STK39: variants seen among roughly 807,000 people sequenced by gnomAD.
The protein encoded by STK39 is STE20/SPS1-related proline-alanine-rich protein kinase.
A neutral mutation model predicts 77.8 loss-of-function variants in STK39; 20 were observed. That is an observed-to-expected ratio of 0.26 (90% CI 0.18 to 0.37). STK39 has a LOEUF of 0.37. Among genes scored for constraint, STK39 ranks in the 10% least tolerant of loss-of-function variants. The pLI is 1.00. For synonymous variants in STK39, 246 were observed against 234.1 expected (o/e 1.05, Z -0.47); for missense variants, 479 against 656.5 (o/e 0.73, Z 2.95).
At chr2:168,161,929 T>C (rs1412297997) in intron 4 of STK39, 87 bp from the exon 5 acceptor site, 14 of 895,544 alleles carry the variant, frequency 1.6e-5, no homozygotes, top group Non-Finnish European at 1.9e-5. Context: ...AAACATATCA[T>C]ACAACGCAGC....
intron 16 of STK39, among the ~76,000 whole-genome samples, chr2:167,992,212 T>G (rs1402273741): frequency 6.6e-6 from 1 of 152,160 alleles, no homozygotes; most frequent in African/African-American, 2.4e-5. Context: ...TTTCAGATCT[T>G]TGGATTTTTC....
At chr2:168,235,687 G>C (rs1262012671) in intron 1 of STK39, among the ~76,000 whole-genome samples, 1 of 140,624 alleles carries the variant, frequency 7.1e-6, no homozygotes, top group Non-Finnish European at 1.5e-5. Flanking sequence ...TCCCACCTAT[G>C]AGTGAGAACA....
intron 1 of STK39, among the ~76,000 whole-genome samples, chr2:168,191,165 T>TGTGTCCA (rs1342746924): frequency 2.0e-5 from 3 of 152,196 alleles, no homozygotes; most frequent in Non-Finnish European, 2.9e-5. Context: ...ATAGGCACGT[T>TGTGTCCA]GGCTTTGCAT....
At chr2:168,141,222 T>G (rs1010438023) in intron 5 of STK39, among the ~76,000 whole-genome samples, 6 of 152,210 alleles carry the variant, frequency 3.9e-5, no homozygotes, top group Admixed American at 1.3e-4. Flanking sequence ...GAAGATGAAT[T>G]AATTAGGCAT....
chr2:168,079,713 T>G (rs1390438335), intron 10 of STK39, among the ~76,000 whole-genome samples: 3 of 152,230 alleles, frequency 2.0e-5, no homozygotes, highest in African/African-American at 7.2e-5. Flanking sequence ...GGGGTCATAT[T>G]CTCATTCAAG....
At chr2:167,970,225 T>A (rs1692293357) in intron 16 of STK39, among the ~76,000 whole-genome samples, 1 of 152,316 alleles carries the variant, frequency 6.6e-6, no homozygotes, top group East Asian at 1.9e-4. Flanking sequence ...ATATGCTATA[T>A]ATATTTATAC....
chr2:167,991,377 G>A (rs1483237586), intron 16 of STK39, among the ~76,000 whole-genome samples: 2 of 152,184 alleles, frequency 1.3e-5, no homozygotes, highest in Non-Finnish European at 2.9e-5. Flanking sequence ...GTGACCTAAG[G>A]AGTCTGCCCA....
At chr2:168,227,720 C>T (rs1433458614) in intron 1 of STK39, among the ~76,000 whole-genome samples, 1 of 152,162 alleles carries the variant, frequency 6.6e-6, no homozygotes, top group Non-Finnish European at 1.5e-5. Flanking sequence ...TGCAGTGGCA[C>T]AATCTCAGCT....
chr2:168,085,168 C>T (rs1028714929), intron 10 of STK39, among the ~76,000 whole-genome samples: 1 of 152,176 alleles, frequency 6.6e-6, no homozygotes, highest in African/African-American at 2.4e-5. Flanking sequence ...GCCTTCAGAT[C>T]CTAAACTTTT....
At chr2:168,112,928 T>C (rs1236428331) in intron 10 of STK39, 1 of 152,198 alleles carries the variant, frequency 6.6e-6, no homozygotes, top group African/African-American at 2.4e-5. Context: ...CGTCCACCAG[T>C]GTGCTCTGGC....
chr2:168,236,024 C>G (rs1047705045), intron 1 of STK39, among the ~76,000 whole-genome samples: 3 of 152,072 alleles, frequency 2.0e-5, no homozygotes, highest in African/African-American at 2.4e-5. Flanking sequence ...CCTGAGGAAT[C>G]GCCACACTGA....
intron 10 of STK39, among the ~76,000 whole-genome samples, chr2:168,120,734 A>G (rs1408404765): frequency 6.6e-6 from 1 of 152,218 alleles, no homozygotes; most frequent in Non-Finnish European, 1.5e-5. Context: ...TATATTATGT[A>G]TTACCTAATT....
intron 1 of STK39, among the ~76,000 whole-genome samples, chr2:168,207,606 C>G (rs1689774388): frequency 6.6e-6 from 1 of 152,124 alleles, no homozygotes; most frequent in Non-Finnish European, 1.5e-5. Flanking sequence ...TGGAGTAAAT[C>G]ATATCCACAG....
intron 14 of STK39, among the ~76,000 whole-genome samples, chr2:168,022,334 CTTCAT>C (rs954660049): frequency 3.3e-5 from 5 of 152,126 alleles, no homozygotes; most frequent in Admixed American, 3.3e-4. Context: ...TGAAATTCCC[CTTCAT>C]TTAAGTTGCA....
At chr2:168,217,711 T>G (rs1690061002) in intron 1 of STK39, among the ~76,000 whole-genome samples, 1 of 152,240 alleles carries the variant, frequency 6.6e-6, no homozygotes, top group African/African-American at 2.4e-5. Flanking sequence ...TAAACAGATG[T>G]TATACTATAA....
Position 168,065,307 on chromosome 2 carries a change from A to C in STK39, c.1305+12T>G. On this transcript the variant is annotated intron_variant, in intron 13 of 17. Coordinates refer to ENST00000355999, the MANE Select transcript of STK39 (RefSeq NM_013233.3). ...AAGCACCTCAAACGGAATGACTGGC[A>C]GAGAAACATACCTGAGAGTCGTGCA... 4 of 1,613,904 alleles carry C rather than the reference A, an allele frequency of 2.5e-6. No homozygotes were observed. Among genetic ancestry groups the C allele is most frequent in the Non-Finnish European group, 3.4e-6 (4 of 1,179,796 alleles).
intron 14 of STK39, 127 bp downstream of exon 14, chr2:168,063,373 A>G: frequency 3.7e-6 from 3 of 806,766 alleles, no homozygotes; most frequent in Non-Finnish European, 5.8e-6. Context: ...GCATACACTC[A>G]TGGTTCGGGG....
chr2:168,136,863 T>C (rs934050029), intron 8 of STK39, among the ~76,000 whole-genome samples: 3 of 152,172 alleles, frequency 2.0e-5, no homozygotes, highest in Non-Finnish European at 4.4e-5. Flanking sequence ...CAAATATAAA[T>C]AACAAATGAG....
intron 16 of STK39, among the ~76,000 whole-genome samples, chr2:167,974,820 T>C (rs1172330154): frequency 6.6e-6 from 1 of 152,200 alleles, no homozygotes; most frequent in Admixed American, 6.5e-5. Flanking sequence ...AGGTTTCTAA[T>C]AACTTTAGAA....
Sources: gnomAD v4.1 joint callset for allele counts (sites outside exome capture counted in the v4.1 genomes callset) on GRCh38, gnomAD v4.1.1 for gene constraint, MANE v1.5 for transcripts, NCBI Gene and HGNC (gene_info 2026-07-23, HGNC 2026-07-21) for gene names.